NADK2: variants seen among roughly 807,000 people sequenced by gnomAD.
The protein encoded by NADK2 is NAD kinase domain-containing protein 1, mitochondrial.
In NADK2, 35 loss-of-function variants were observed where a neutral mutation model predicts 62.1. The ratio of observed to expected loss-of-function variants is 0.56; its 90% confidence interval spans 0.43 to 0.75. NADK2 has a LOEUF of 0.75. NADK2 is among the 30% of genes least tolerant of loss of function. NADK2 has a pLI of 0.00. For missense variants in NADK2, 439 were observed against 561.3 expected, an observed-to-expected ratio of 0.78 and a Z score of 2.20; for synonymous variants, 205 against 207.9, an observed-to-expected ratio of 0.99 and a Z score of 0.12.
At position 36,196,055 on chromosome 5, in the gene NADK2, A is replaced by G. The variant is rs557206627; in HGVS notation, c.1191-773T>C. Among the ~76,000 whole-genome samples the G allele has an allele frequency of 5.3e-5, 8 of 152,294 alleles. No homozygotes were observed. In the East Asian group the frequency reaches 7.7e-4, roughly 15 times the overall value. ...CCAAAATTTATATCTCTCTTCTACT[A>G]TTCATGGACATTTGGGTTTTTGGCT... On this transcript the variant is annotated intron_variant, in intron 11 of 11. Transcript: ENST00000381937.
intron 5 of NADK2, among the ~76,000 whole-genome samples, chr5:36,218,975 T>C (rs770614953): frequency 9.9e-5 from 15 of 152,192 alleles, no homozygotes; most frequent in African/African-American, 1.2e-4. Flanking sequence ...TAAGGACATG[T>C]AACGAGGTTA....
chr5:36,241,992 G>T, upstream of NADK2: 1 of 320,972 alleles, frequency 3.1e-6, no homozygotes, highest in Non-Finnish European at 5.1e-6. This position sits in a 1 kb window ranked among gnomAD's most constrained non-coding sequence, Gnocchi z 4.9. Flanking sequence ...GGGAAAGCGT[G>T]GCGATTGGGA....
chr5:36,228,823 A>G (rs1747595748), intron 1 of NADK2, among the ~76,000 whole-genome samples: 1 of 146,224 alleles, frequency 6.8e-6, no homozygotes, highest in South Asian at 2.2e-4. Flanking sequence ...ATGGGGTTTT[A>G]CCATGTTGCC....
In NADK2 at chr5:36,198,183, C is replaced by G. The variant is rs16902808; in HGVS notation, c.1067-519G>C. The stretch of plus-strand genomic sequence containing the variant: ...TCTAGAAATCTTTGGGACCTGCTTT[C>G]TCTCTAATCAAGAGGTACAGGAGGG... On this transcript the variant is annotated intron_variant, in intron 10 of 11. Coordinates refer to ENST00000381937, the MANE Select transcript of NADK2 (RefSeq NM_001085411.3). Among the ~76,000 whole-genome samples, 670 of 152,104 alleles carry G rather than the reference C, an allele frequency of 4.4e-3. 7 individuals are homozygous for G. The highest frequency in any genetic ancestry group is 0.015 in the African/African-American group (632 of 41,524).
chr5:36,232,809 C>T (rs373687721), intron 1 of NADK2, among the ~76,000 whole-genome samples: 5 of 152,186 alleles, frequency 3.3e-5, no homozygotes, highest in African/African-American at 1.2e-4. Context: ...AACTCACCTA[C>T]CAAGTATATC....
chr5:36,227,572 C>A lies in NADK2; in HGVS notation c.301-7G>T. ...TAGAGCCTTTCAATGCAAGCTATAT[C>A]AAAACAAAAGAAACGTTGTTTTACT... On this transcript the variant is annotated splice_region_variant and splice_polypyrimidine_tract_variant and intron_variant, in intron 1 of 11. Transcript: ENST00000381937. The A allele has an allele frequency of 6.7e-7, 1 of 1,493,398 alleles. No homozygotes were observed. The highest frequency in any genetic ancestry group is 1.4e-5 in the South Asian group (1 of 73,278). 92.5% of individuals were successfully genotyped at this position (1,493,398 alleles called of 1,614,324 possible).
chr5:36,228,831 G>A (rs1258673323), intron 1 of NADK2, among the ~76,000 whole-genome samples: 1 of 143,094 alleles, frequency 7.0e-6, no homozygotes, highest in Admixed American at 7.0e-5. Context: ...TTACCATGTT[G>A]CCCAGGCTAG....
At chr5:36,207,074 A>T (rs1746667461) in intron 8 of NADK2, 96 bp downstream of exon 8, 5 of 921,900 alleles carry the variant, frequency 5.4e-6, no homozygotes, top group Non-Finnish European at 8.8e-6. Flanking sequence ...CACCACCAGG[A>T]CACCTCTTGC....
intron 1 of NADK2, among the ~76,000 whole-genome samples, chr5:36,234,522 CAT>C (rs1476774082): frequency 1.3e-5 from 2 of 151,978 alleles, no homozygotes; most frequent in Non-Finnish European, 2.9e-5. Context: ...AAAAGACACA[CAT>C]GATGTTACAC....
At chr5:36,240,898 A>G (rs1388453532) in intron 1 of NADK2, among the ~76,000 whole-genome samples, 1 of 152,232 alleles carries the variant, frequency 6.6e-6, no homozygotes, top group East Asian at 1.9e-4. Context: ...TTTTAAAACA[A>G]GCTCGTAGTG....
intron 9 of NADK2, 56 bp downstream of exon 9, chr5:36,201,050 G>T: frequency 6.8e-7 from 1 of 1,479,160 alleles, no homozygotes; most frequent in South Asian, 1.1e-5. Context: ...GGGGGTTCTG[G>T]AACTTGTCCC....
chr5:36,238,130 A>G (rs1173811661), intron 1 of NADK2, among the ~76,000 whole-genome samples: 2 of 152,222 alleles, frequency 1.3e-5, no homozygotes, highest in Non-Finnish European at 2.9e-5. Flanking sequence ...TGTATGTAAT[A>G]TACTTATTGC....
At chr5:36,230,246 CTT>C (rs1747657712) in intron 1 of NADK2, among the ~76,000 whole-genome samples, 1 of 152,188 alleles carries the variant, frequency 6.6e-6, no homozygotes, top group African/African-American at 2.4e-5. Context: ...ACTCTAATCT[CTT>C]TGGTCTATTT....
chr5:36,228,226 A>T (rs1747557363), intron 1 of NADK2, among the ~76,000 whole-genome samples: 1 of 152,158 alleles, frequency 6.6e-6, no homozygotes, highest in African/African-American at 2.4e-5. Context: ...CTATCTTACC[A>T]TTAAAATTTT....
In NADK2 at chr5:36,208,872, G is replaced by A. The variant is rs185267587; in HGVS notation, c.861-1607C>T. ...CAGGATCTAGAATCAGAAACACCGGGTTTATGTTACAGTTCTGATGCTAGC... is the reference window on the plus strand; with the variant it reads ...CAGGATCTAGAATCAGAAACACCGGATTTATGTTACAGTTCTGATGCTAGC... On this transcript the variant is annotated intron_variant, in intron 7 of 11. Coordinates refer to ENST00000381937, the MANE Select transcript of NADK2 (RefSeq NM_001085411.3). Among the ~76,000 whole-genome samples, 9 of 152,114 alleles carry A rather than the reference G, an allele frequency of 5.9e-5. No individual in the cohort carries two copies. In the East Asian group the frequency reaches 1.7e-3, roughly 29 times the overall value.
intron 1 of NADK2, among the ~76,000 whole-genome samples, chr5:36,231,081 G>A (rs549463448): frequency 6.6e-6 from 1 of 152,140 alleles, no homozygotes; most frequent in African/African-American, 2.4e-5. Context: ...CAGGAAAAAA[G>A]CACATAAACC....
In NADK2 at chr5:36,226,368, TGGTAA is replaced by T. The variant is rs1237353458; in HGVS notation, c.478+102_478+106del. On this transcript the variant is annotated intron_variant, in intron 3 of 11. Transcript: ENST00000381937. ...CGTAACAATCCAAAAATGTGTTTAA[TGGTAA>T]GACTCTGAAGGCTTCAATATAGCTA... is the stretch of plus-strand genomic sequence containing the variant. 15 of 758,170 alleles carry T rather than the reference TGGTAA, an allele frequency of 2.0e-5. No individual in the cohort carries two copies. In the African/African-American group the frequency reaches 2.6e-4, roughly 13 times the overall value. The allele number at this position is 758,170 out of a possible 1,614,324, so 47.0% of individuals were successfully genotyped here. A position where few individuals can be genotyped will look rare whatever the true frequency, so the allele number is the denominator to read the frequency against.
At chr5:36,207,101 A>G in intron 8 of NADK2, 69 bp downstream of exon 8, 1 of 1,320,788 alleles carries the variant, frequency 7.6e-7, no homozygotes, top group Non-Finnish European at 1.1e-6. Flanking sequence ...CAGGCCTTAG[A>G]TGGGCCAAAA....
At chr5:36,231,779 A>T (rs1022642754) in intron 1 of NADK2, among the ~76,000 whole-genome samples, 11 of 152,236 alleles carry the variant, frequency 7.2e-5, no homozygotes, top group African/African-American at 2.4e-4. Context: ...AAAAATAAGA[A>T]CACATGATTT....
Sources: gnomAD v4.1 joint callset for allele counts (sites outside exome capture counted in the v4.1 genomes callset) on GRCh38, gnomAD v4.1.1 for gene constraint, Gnocchi (gnomAD v3.1) non-coding constraint, MANE v1.5 for transcripts, NCBI Gene and HGNC (gene_info 2026-07-23, HGNC 2026-07-21) for gene names.